The following TBC1D5 variants were observed in gnomAD, a reference collection of about 807,000 sequenced individuals.
TBC1D5 encodes the protein TBC1 domain family, member 5.
A neutral mutation model predicts 100.3 loss-of-function variants in TBC1D5; 75 were observed. That is an observed-to-expected ratio of 0.75 (90% CI 0.62 to 0.91). The LOEUF (loss-of-function observed/expected upper bound fraction) is 0.91, where lower values mean the gene tolerates loss of function less well. Ranked by LOEUF, TBC1D5 falls within the 40% of genes least tolerant of loss-of-function variation. The pLI, the probability that TBC1D5 is intolerant of heterozygous loss-of-function variation, is 0.00. For missense variants in TBC1D5, 910 were observed against 942.4 expected (o/e 0.97, Z 0.45); for synonymous variants, 323 against 325.6 (o/e 0.99, Z 0.09).
intron 2 of TBC1D5, among the ~76,000 whole-genome samples, chr3:17,581,454 T>C (rs1029325749): frequency 1.3e-5 from 2 of 152,178 alleles, no homozygotes; most frequent in South Asian, 2.1e-4. Flanking sequence ...CTCCAACTTA[T>C]ATTCAAAACA....
exon 21 of TBC1D5, chr3:17,166,822 T>C: frequency 6.2e-7 from 1 of 1,614,224 alleles, no homozygotes. Flanking sequence ...GCCCTGGCCC[T>C]GGCCGCTGGA....
In TBC1D5 at chr3:17,408,817, T is replaced by C. The variant is rs1265937503; in HGVS notation, c.168-2291A>G. Among the ~76,000 whole-genome samples the C allele has an allele frequency of 2.0e-5, 3 of 152,148 alleles. No individual in the cohort carries two copies. In the East Asian group the frequency reaches 5.8e-4, roughly 29 times the overall value. On this transcript the variant is annotated intron_variant, in intron 4 of 21. Coordinates refer to ENST00000253692, the Ensembl canonical transcript of TBC1D5. ...ATTAAGATCTAACATTATTTTCTCT[T>C]ATTGATCCTTTCATTGTTTTCTCTT...
chr3:17,545,564 C>A (rs909304893), intron 2 of TBC1D5, among the ~76,000 whole-genome samples: 2 of 152,162 alleles, frequency 1.3e-5, no homozygotes, highest in African/African-American at 4.8e-5. Flanking sequence ...AGTCCTGAGA[C>A]AACAAAAATG....
intron 15 of TBC1D5, among the ~76,000 whole-genome samples, chr3:17,274,163 C>T (rs559359425): frequency 6.6e-6 from 1 of 152,186 alleles, no homozygotes; most frequent in East Asian, 1.9e-4. Context: ...AAAACATATA[C>T]ATAGGTAAAA....
At chr3:17,244,160 C>T (rs2076537235) in intron 16 of TBC1D5, among the ~76,000 whole-genome samples, 2 of 152,264 alleles carry the variant, frequency 1.3e-5, no homozygotes, top group African/African-American at 2.4e-5. Flanking sequence ...AAAGTAAGGG[C>T]TCCAATCCTG....
chr3:17,727,386 A>G (rs1025827500), intron 1 of TBC1D5, among the ~76,000 whole-genome samples: 1 of 152,162 alleles, frequency 6.6e-6, no homozygotes, highest in African/African-American at 2.4e-5. Context: ...GTCTCAAAAA[A>G]AGTACAAAAA....
intron 2 of TBC1D5, among the ~76,000 whole-genome samples, chr3:17,593,005 T>C (rs947773865): frequency 3.9e-5 from 6 of 152,084 alleles, no homozygotes; most frequent in African/African-American, 1.4e-4. Flanking sequence ...CACAGAAGCA[T>C]TATATCATCA....
chr3:17,266,846 G>C (rs1220680574), intron 15 of TBC1D5, among the ~76,000 whole-genome samples: 1 of 151,856 alleles, frequency 6.6e-6, no homozygotes, highest in Non-Finnish European at 1.5e-5. Flanking sequence ...TAGGGCAATT[G>C]ATAGAAAAAT....
Position 17,307,976 on chromosome 3 carries a change from G to A in TBC1D5, c.1138+16C>T. The A allele has an allele frequency of 6.3e-7, 1 of 1,593,776 alleles. No homozygotes were observed. Among genetic ancestry groups the A allele is most frequent in the South Asian group, 1.2e-5 (1 of 86,892 alleles). The stretch of plus-strand genomic sequence containing the variant: ...GGAGTACCTAGTCAAATGTAGGAAA[G>A]GTCATTAATACTTACAAGCATCTCG... On this transcript the variant is annotated intron_variant, in intron 14 of 21. Coordinates refer to ENST00000253692, the Ensembl canonical transcript of TBC1D5.
chr3:17,396,980 C>T (rs2093524049), intron 8 of TBC1D5, among the ~76,000 whole-genome samples: 2 of 151,992 alleles, frequency 1.3e-5, no homozygotes, highest in South Asian at 4.1e-4. Context: ...TGGAAGTATC[C>T]TCTGTAAGAG....
At chr3:17,279,296 T>C (rs2596679) in intron 15 of TBC1D5, among the ~76,000 whole-genome samples, 63,525 of 152,026 alleles carry the variant, frequency 0.42, 13,985 homozygotes, top group Middle Eastern at 0.5. Context: ...TGCCCATCAT[T>C]TAAGATAATG....
At chr3:17,303,378 AC>A (rs1206153940) in intron 14 of TBC1D5, among the ~76,000 whole-genome samples, 2 of 152,096 alleles carry the variant, frequency 1.3e-5, no homozygotes, top group African/African-American at 4.8e-5. Context: ...TGAATGGTTG[AC>A]TCTGAATAAT....
chr3:17,532,732 A>C (rs2153388580), intron 2 of TBC1D5, among the ~76,000 whole-genome samples: 1 of 152,120 alleles, frequency 6.6e-6, no homozygotes, highest in Non-Finnish European at 1.5e-5. Context: ...AAACTATCGC[A>C]AGGACAAAAA....
intron 2 of TBC1D5, among the ~76,000 whole-genome samples, chr3:17,522,125 T>C (rs1167563888): frequency 1.3e-5 from 2 of 152,052 alleles, no homozygotes; most frequent in South Asian, 2.1e-4. Flanking sequence ...TAAAAAATGA[T>C]AGTCACTTAA....
intron 9 of TBC1D5, among the ~76,000 whole-genome samples, chr3:17,379,222 A>C (rs746851899): frequency 2.8e-4 from 43 of 151,962 alleles, no homozygotes; most frequent in Non-Finnish European, 4.6e-4. Context: ...AATTAACTTG[A>C]GGAGAGTATT....
chr3:17,355,570 G>C (rs2091135235), intron 13 of TBC1D5, among the ~76,000 whole-genome samples: 1 of 152,064 alleles, frequency 6.6e-6, no homozygotes, highest in South Asian at 2.1e-4. Flanking sequence ...TTTTGGTTTT[G>C]CTGTATGACA....
At chr3:17,253,392 A>G (rs928878519) in intron 16 of TBC1D5, among the ~76,000 whole-genome samples, 2 of 152,350 alleles carry the variant, frequency 1.3e-5, no homozygotes, top group Non-Finnish European at 2.9e-5. Context: ...CTTTCTGAAG[A>G]GAGTTGTTAA....
intron 3 of TBC1D5, among the ~76,000 whole-genome samples, chr3:17,455,474 ATATATG>A (rs1389771589): frequency 6.9e-6 from 1 of 144,646 alleles, no homozygotes; most frequent in African/African-American, 2.6e-5. Context: ...ATATGTGTAT[ATATATG>A]TATATATATG....
At chr3:17,494,764 G>A (rs2095684114) in intron 3 of TBC1D5, among the ~76,000 whole-genome samples, 1 of 152,218 alleles carries the variant, frequency 6.6e-6, no homozygotes, top group African/African-American at 2.4e-5. Context: ...GACTGGAGCT[G>A]CAGTGATGGC....
Sources: allele counts gnomAD v4.1 joint callset (sites outside exome capture counted in the v4.1 genomes callset), GRCh38; gene constraint gnomAD v4.1.1; transcripts MANE v1.5; gene names NCBI Gene and HGNC (gene_info 2026-07-23, HGNC 2026-07-21).